Variants in KIF6 observed in about 807,000 individuals in gnomAD.
KIF6 encodes the protein kinesin-like protein KIF6.
A neutral mutation model predicts 112.7 loss-of-function variants in KIF6; 106 were observed. The observed-to-expected ratio is 0.94, with a 90% CI of 0.80 to 1.11. The LOEUF (loss-of-function observed/expected upper bound fraction) is 1.11. KIF6 is among the 50% of genes least tolerant of loss of function. The pLI, the probability that KIF6 is intolerant of heterozygous loss-of-function variation, is 0.00. For missense variants in KIF6, 929 were observed against 964.0 expected (o/e 0.96, Z 0.48); for synonymous variants, 339 against 339.9 (o/e 1.00, Z 0.03).
intron 3 of KIF6, among the ~76,000 whole-genome samples, chr6:39,649,761 GAAA>G (rs762394304): frequency 0.036 from 3,687 of 102,152 alleles, 84 homozygotes; most frequent in Middle Eastern, 0.062. Context: ...AAGAAAGAAA[GAAA>G]GAAAGAAAGA....
chr6:39,391,384 G>A (rs576002859), intron 15 of KIF6, among the ~76,000 whole-genome samples: 3 of 152,274 alleles, frequency 2.0e-5, no homozygotes, highest in African/African-American at 7.2e-5. Context: ...CTGATGAAAC[G>A]TGCACCAGAT....
At chr6:39,635,331 C>T (rs1332570991) in intron 4 of KIF6, among the ~76,000 whole-genome samples, 3 of 151,946 alleles carry the variant, frequency 2.0e-5, no homozygotes, top group Non-Finnish European at 2.9e-5. Context: ...TGTGAATAGT[C>T]TATTCATAAA....
intron 19 of KIF6, among the ~76,000 whole-genome samples, chr6:39,356,736 C>A (rs182386737): frequency 6.6e-6 from 1 of 152,272 alleles, no homozygotes; most frequent in Non-Finnish European, 1.5e-5. Flanking sequence ...GGTGCTACCC[C>A]CTGGGTTGTG....
At chr6:39,517,242 G>A (rs1342309416) in intron 13 of KIF6, among the ~76,000 whole-genome samples, 1 of 152,172 alleles carries the variant, frequency 6.6e-6, no homozygotes, top group Non-Finnish European at 1.5e-5. Flanking sequence ...ATTTCAAGCT[G>A]AGGGGAAAAG....
intron 13 of KIF6, among the ~76,000 whole-genome samples, chr6:39,469,627 C>T: frequency 6.6e-6 from 1 of 152,122 alleles, no homozygotes; most frequent in Non-Finnish European, 1.5e-5. Context: ...TATAGGTAAA[C>T]TTGTGTCATG....
At chr6:39,419,077 G>A (rs1770144731) in intron 15 of KIF6, among the ~76,000 whole-genome samples, 1 of 152,168 alleles carries the variant, frequency 6.6e-6, no homozygotes, top group Non-Finnish European at 1.5e-5. Context: ...TTGAGGCTGG[G>A]TGTGGTGGCT....
intron 9 of KIF6, among the ~76,000 whole-genome samples, chr6:39,581,441 C>A (rs1037479389): frequency 1.3e-5 from 2 of 152,008 alleles, no homozygotes; most frequent in African/African-American, 2.4e-5. Context: ...CAGGCATGAG[C>A]CACTGCGCCC....
chr6:39,612,365 G>A (rs1783262061), intron 6 of KIF6, among the ~76,000 whole-genome samples: 1 of 151,936 alleles, frequency 6.6e-6, no homozygotes, highest in South Asian at 2.1e-4. Flanking sequence ...TGTTCATTTG[G>A]GGAACTGTTC....
chr6:39,620,881 G>A (rs1783778546), intron 5 of KIF6, among the ~76,000 whole-genome samples: 1 of 152,018 alleles, frequency 6.6e-6, no homozygotes, highest in African/African-American at 2.4e-5. Flanking sequence ...CGATTCTCCT[G>A]CCTCAGTCTC....
intron 13 of KIF6, among the ~76,000 whole-genome samples, chr6:39,501,005 G>T (rs113217725): frequency 6.6e-6 from 1 of 152,264 alleles, no homozygotes; most frequent in South Asian, 2.1e-4. Flanking sequence ...TGGAAGGGGC[G>T]AGTGGATACA....
At position 39,336,898 on chromosome 6, in the gene KIF6, C is replaced by CCTTCCCTTCCTTCCCTTT. The variant is rs1562101515; in HGVS notation, c.2429-351_2429-350insAAAGGGAAGGAAGGGAAG. 2.0e-5 allele frequency among the ~76,000 whole-genome samples: 3 copies of CCTTCCCTTCCTTCCCTTT among 149,840 alleles called. No homozygotes were observed. In the East Asian group the frequency reaches 5.9e-4, roughly 29 times the overall value. ...CCTTTCTTCTGTCCTTCCTTCCCTT[C>CCTTCCCTTCCTTCCCTTT]CTTCCCTTTCTTCCCTTTCTTCCCT... On this transcript the variant is annotated intron_variant, in intron 22 of 22. Coordinates refer to ENST00000287152, the MANE Select transcript of KIF6 (RefSeq NM_145027.6).
chr6:39,354,141 C>G (rs1764463859), intron 19 of KIF6: 3 of 350,288 alleles, frequency 8.6e-6, no homozygotes, highest in Admixed American at 6.4e-5. Context: ...GCATGGCTAG[C>G]ATGTGACCTG....
At chr6:39,502,442 T>C (rs1414331236) in intron 13 of KIF6, among the ~76,000 whole-genome samples, 2 of 151,882 alleles carry the variant, frequency 1.3e-5, no homozygotes, top group Non-Finnish European at 2.9e-5. Context: ...TAAACAAGTC[T>C]GCGAAATAAA....
chr6:39,453,989 G>C (rs554655850), intron 13 of KIF6, among the ~76,000 whole-genome samples: 148 of 152,126 alleles, frequency 9.7e-4, no homozygotes, highest in Non-Finnish European at 1.0e-3. Flanking sequence ...GAATAGAAAA[G>C]CAGTGTTAAA....
chr6:39,707,446 CTCCAGCA>C (rs1289751443), intron 3 of KIF6, among the ~76,000 whole-genome samples: 1 of 152,182 alleles, frequency 6.6e-6, no homozygotes, highest in Non-Finnish European at 1.5e-5. Flanking sequence ...TGTCTGGTTT[CTCCAGCA>C]TCCAATCTGG....
At chr6:39,346,087 C>CTCTCTCTCTCTCTCTCTCT (rs1562112885) in intron 20 of KIF6, among the ~76,000 whole-genome samples, 2 of 2,824 alleles carry the variant, frequency 7.1e-4, no homozygotes, top group African/African-American at 1.1e-3. Flanking sequence ...TCTCTCTCTC[C>CTCTCTCTCTCTCTCTCTCT]CCCCCCTCTC....
intron 18 of KIF6, among the ~76,000 whole-genome samples, chr6:39,359,470 A>T (rs969431112): frequency 6.6e-6 from 1 of 152,244 alleles, no homozygotes; most frequent in African/African-American, 2.4e-5. Context: ...TACATGATGG[A>T]ACAGTAACAG....
At chr6:39,698,452 A>G (rs1788682383) in intron 3 of KIF6, among the ~76,000 whole-genome samples, 1 of 152,254 alleles carries the variant, frequency 6.6e-6, no homozygotes, top group Admixed American at 6.5e-5. Flanking sequence ...AAAAAGAAAT[A>G]TTGATTGCCA....
At chr6:39,550,652 C>T (rs1473749965) in intron 10 of KIF6, among the ~76,000 whole-genome samples, 1 of 152,182 alleles carries the variant, frequency 6.6e-6, no homozygotes, top group African/African-American at 2.4e-5. Flanking sequence ...ACTGTCTCCT[C>T]ACTGGTTTGG....
Sources: allele counts gnomAD v4.1 joint callset (sites outside exome capture counted in the v4.1 genomes callset), GRCh38; gene constraint gnomAD v4.1.1; transcripts MANE v1.5; gene names NCBI Gene and HGNC (gene_info 2026-07-23, HGNC 2026-07-21).